The following SH3BGRL variants were observed in gnomAD, a reference collection of about 807,000 sequenced individuals.
SH3BGRL encodes the protein adapter SH3BGRL.
A neutral mutation model predicts 9.8 loss-of-function variants in SH3BGRL; 7 were observed. The observed-to-expected ratio is 0.72, with a 90% CI of 0.41 to 1.35. SH3BGRL has a LOEUF of 1.35. Ranked by LOEUF, SH3BGRL falls within the 40% of genes most tolerant of loss-of-function variation. SH3BGRL has a pLI of 0.01. For synonymous variants in SH3BGRL, 36 were observed against 29.1 expected (o/e 1.24, Z -0.76); for missense variants, 73 against 84.4 (o/e 0.86, Z 0.53).
chrX:81,257,126 T>C (rs2075727660), intron 1 of SH3BGRL, among the ~76,000 whole-genome samples: 1 of 111,713 alleles, frequency 9.0e-6, no homozygotes, highest in African/African-American at 3.2e-5. Context: ...TGATCAGCCA[T>C]GAGAGAGCTT....
intron 1 of SH3BGRL, among the ~76,000 whole-genome samples, chrX:81,213,897 T>C (rs2075573447): frequency 1.8e-5 from 2 of 111,886 alleles, no homozygotes; most frequent in Non-Finnish European, 3.8e-5. Context: ...TTGGGAAAGA[T>C]GGTGGACGGA....
At chrX:81,265,199 G>GTTTTTTTTTTTTTTTTTTT (rs372356022) in intron 1 of SH3BGRL, among the ~76,000 whole-genome samples, 1 of 97,463 alleles carries the variant, frequency 1.0e-5, no homozygotes, top group Non-Finnish European at 2.1e-5. Context: ...ACAGAGTAGA[G>GTTTTTTTTTTTTTTTTTTT]TTTTTTTTTT....
chrX:81,280,893 A>G, intron 3 of SH3BGRL, among the ~76,000 whole-genome samples: 1 of 111,862 alleles, frequency 8.9e-6, no homozygotes, highest in East Asian at 2.8e-4. Flanking sequence ...AGAGAAAGGC[A>G]AAGCCCAATG....
At chrX:81,281,218 G>A (rs924645929) in intron 3 of SH3BGRL, among the ~76,000 whole-genome samples, 6 of 111,187 alleles carry the variant, frequency 5.4e-5, no homozygotes, top group African/African-American at 1.3e-4. Context: ...TCCTGAGGAA[G>A]AAGAGAATTC....
chrX:81,277,217 A>G, intron 2 of SH3BGRL, 48 bp downstream of exon 2: 2 of 1,063,079 alleles, frequency 1.9e-6, no homozygotes, highest in Non-Finnish European at 2.6e-6. Flanking sequence ...ATTGCCCCAA[A>G]TCTATCCATT....
intron 1 of SH3BGRL, among the ~76,000 whole-genome samples, chrX:81,263,838 T>G (rs1162186816): frequency 9.0e-6 from 1 of 111,082 alleles, no homozygotes; most frequent in African/African-American, 3.3e-5. Context: ...GTCTGTTTTT[T>G]TTGTAAATTT....
Position 81,276,763 on chromosome X carries a change from GA to G in SH3BGRL, c.46-211del, listed in dbSNP as rs1369866790. ...CATTAAATAATGAAAATTTTCAATG[GA>G]AAAAAAAAAGAGAAATTCAACTTGA... On this transcript the variant is annotated intron_variant, in intron 1 of 3. Transcript: ENST00000373212. 9.9e-3 allele frequency among the ~76,000 whole-genome samples: 1,038 copies of G among 104,764 alleles called. 12 individuals carry two copies. Among genetic ancestry groups the G allele is most frequent in the African/African-American group, 0.033 (962 of 29,015 alleles). The allele number at this position is 104,764 out of a possible 115,157, so 91.0% of individuals were successfully genotyped here.
At chrX:81,254,807 A>G (rs1372021419) in intron 1 of SH3BGRL, among the ~76,000 whole-genome samples, 1 of 111,979 alleles carries the variant, frequency 8.9e-6, no homozygotes, top group Non-Finnish European at 1.9e-5. Flanking sequence ...TTGAAGAGGC[A>G]TTGATGTAAA....
intron 1 of SH3BGRL, among the ~76,000 whole-genome samples, chrX:81,224,888 T>C (rs1047336601): frequency 1.4e-4 from 16 of 110,380 alleles, no homozygotes; most frequent in African/African-American, 3.3e-4. Flanking sequence ...CTTTTTTTTT[T>C]CCCCCTAAGT....
chrX:81,283,807 A>G (rs2075825586), intron 3 of SH3BGRL, among the ~76,000 whole-genome samples: 1 of 111,282 alleles, frequency 9.0e-6, no homozygotes, highest in Non-Finnish European at 1.9e-5. Context: ...TGGTACTGGA[A>G]GTCTTAGCCA....
At chrX:81,280,303 G>A (rs180813287) in intron 3 of SH3BGRL, among the ~76,000 whole-genome samples, 132 of 110,871 alleles carry the variant, frequency 1.2e-3, no homozygotes, top group Admixed American at 5.0e-3. Flanking sequence ...TGCCTACTGC[G>A]GGTCCCTCTC....
intron 1 of SH3BGRL, among the ~76,000 whole-genome samples, chrX:81,254,325 C>T (rs2075719102): frequency 9.0e-6 from 1 of 111,493 alleles, no homozygotes; most frequent in Non-Finnish European, 1.9e-5. Flanking sequence ...TTGTTCTCAG[C>T]TGGGCAGTTT....
intron 1 of SH3BGRL, among the ~76,000 whole-genome samples, chrX:81,235,548 T>C (rs2075645358): frequency 9.0e-6 from 1 of 111,300 alleles, no homozygotes; most frequent in Admixed American, 9.5e-5. Context: ...AGATATGATA[T>C]ATAGACTACC....
chrX:81,220,465 T>C (rs1193422301), intron 1 of SH3BGRL, among the ~76,000 whole-genome samples: 2 of 111,569 alleles, frequency 1.8e-5, no homozygotes, highest in African/African-American at 3.2e-5. Context: ...GGTTGTAATA[T>C]CACCTTTTTA....
intron 3 of SH3BGRL, among the ~76,000 whole-genome samples, chrX:81,280,554 G>C (rs144987718): frequency 0.015 from 1,675 of 111,493 alleles, 35 homozygotes; most frequent in African/African-American, 0.051. Flanking sequence ...TGGGTAGCTA[G>C]ACCCAGAAGA....
intron 3 of SH3BGRL, among the ~76,000 whole-genome samples, chrX:81,290,530 A>G (rs1387184020): frequency 9.0e-6 from 1 of 110,967 alleles, no homozygotes; most frequent in Non-Finnish European, 1.9e-5. Context: ...AAATCAAGCA[A>G]TTGAACTCAT....
At chrX:81,275,623 T>C (rs2075796427) in intron 1 of SH3BGRL, among the ~76,000 whole-genome samples, 1 of 111,905 alleles carries the variant, frequency 8.9e-6, no homozygotes, top group South Asian at 3.7e-4. Context: ...AAAGAGGGCA[T>C]ATGTTACATT....
intron 3 of SH3BGRL, among the ~76,000 whole-genome samples, chrX:81,289,480 A>G (rs2075849338): frequency 8.9e-6 from 1 of 111,982 alleles, no homozygotes; most frequent in Non-Finnish European, 1.9e-5. Flanking sequence ...CAAAGTGAAG[A>G]GACAACCCAA....
chrX:81,202,820 G>A (rs1264060361), intron 1 of SH3BGRL: 1 of 112,527 alleles, frequency 8.9e-6, no homozygotes, highest in Non-Finnish European at 1.8e-5. Flanking sequence ...ATTGGGAGGG[G>A]AAGTTGGTAA....
Sources: gnomAD v4.1 joint callset for allele counts (sites outside exome capture counted in the v4.1 genomes callset) on GRCh38, gnomAD v4.1.1 for gene constraint, MANE v1.5 for transcripts, NCBI Gene and HGNC (gene_info 2026-07-23, HGNC 2026-07-21) for gene names.